Variants in CNTFR observed in about 807,000 individuals in gnomAD.
CNTFR encodes the protein ciliary neurotrophic factor receptor.
CNTFR carries 12 observed loss-of-function variants against 40.4 expected under a neutral mutation model. That is an observed-to-expected ratio of 0.30 (90% CI 0.19 to 0.48). The LOEUF (loss-of-function observed/expected upper bound fraction) is 0.48, where lower values mean the gene tolerates loss of function less well. Among genes scored for constraint, CNTFR ranks in the 20% least tolerant of loss-of-function variants. CNTFR has a pLI of 0.99. For missense variants in CNTFR, 414 were observed against 506.8 expected (o/e 0.82, Z 1.76); for synonymous variants, 202 against 209.6 (o/e 0.96, Z 0.31).
In CNTFR at chr9:34,557,839, G is replaced by A. The variant is rs1290550796; in HGVS notation, c.437+28C>T. 6.5e-7 allele frequency: 1 copy of A among 1,548,438 alleles called. No homozygotes were observed. Among genetic ancestry groups the A allele is most frequent in the Non-Finnish European group, 8.8e-7 (1 of 1,138,114 alleles). ...GGGGAGAGGTCAGAGGTCAGGGCTG[G>A]ACCCGGGTCACAGGCGCAGCTACTC... On this transcript the variant is annotated intron_variant, in intron 5 of 9. Coordinates refer to ENST00000378980, the MANE Select transcript of CNTFR (RefSeq NM_147164.3). The surrounding 1 kb of genome is among the most constrained non-coding windows in gnomAD (Gnocchi z 4.2).
rs1337930287 is a variant in CNTFR, at chr9:34,587,622, TCTGA to T, written c.-112+1929_-112+1932del. 3.9e-5 allele frequency among the ~76,000 whole-genome samples: 6 copies of T among 152,222 alleles called. No individual in the cohort carries two copies. The South Asian group carries it at 8.3e-4, about 21-fold the overall frequency. ...GTGATCCCCAGCTTGGAAATGTGAA[TCTGA>T]CTATGAACCCCAGTGTCCTCAGCGA... On this transcript the variant is annotated intron_variant, in intron 1 of 9. Coordinates refer to ENST00000378980, the MANE Select transcript of CNTFR (RefSeq NM_147164.3).
rs759481918 is a variant in CNTFR, at chr9:34,568,997, G to T, written c.1-16C>A. 19 of 1,577,146 alleles carry T rather than the reference G, an allele frequency of 1.2e-5. No individual in the cohort carries two copies. The East Asian group carries it at 3.5e-4, about 29-fold the overall frequency. The stretch of plus-strand genomic sequence containing the variant: ...GAGCAGCCATCTGTTGGGAGAAACC[G>T]GGGTGGGGGAGGGGTCAGCATCAGC... On this transcript the variant is annotated splice_polypyrimidine_tract_variant and intron_variant, in intron 2 of 9. Coordinates refer to ENST00000378980, the MANE Select transcript of CNTFR (RefSeq NM_147164.3).
chr9:34,552,166 C>T lies in CNTFR; in HGVS notation c.1113G>A (p.Leu371=), dbSNP rs1825651150. The T allele has an allele frequency of 6.3e-7, 1 of 1,596,876 alleles. No homozygotes were observed. Among genetic ancestry groups the T allele is most frequent in the Non-Finnish European group, 8.5e-7 (1 of 1,172,002 alleles). ...AAAAATASSL[L]I ...CCCAGCCTCACTCAACCTACCAGAT[C>T]AAGAGACTGCTGGCAGTGGCGGCAG... The change falls in exon 9 of 10, where the codon TTG becomes TTA. Residue 371 remains leucine (L), a synonymous_variant. Coordinates refer to ENST00000378980, the MANE Select transcript of CNTFR (RefSeq NM_147164.3). The surrounding 1 kb of genome is among the most constrained non-coding windows in gnomAD (Gnocchi z 5.1).
chr9:34,573,686 C>G (rs567644609), intron 2 of CNTFR, among the ~76,000 whole-genome samples: 1 of 152,198 alleles, frequency 6.6e-6, no homozygotes. Flanking sequence ...ACTCCAGAAT[C>G]CCACAGTGAG....
chr9:34,563,588 C>T (rs1826159175), intron 4 of CNTFR, among the ~76,000 whole-genome samples: 1 of 152,272 alleles, frequency 6.6e-6, no homozygotes, highest in Non-Finnish European at 1.5e-5. Flanking sequence ...GAATTCTCAT[C>T]TTGGGATCTG....
intron 1 of CNTFR, among the ~76,000 whole-genome samples, chr9:34,582,182 G>A (rs1827323656): frequency 6.6e-6 from 1 of 151,296 alleles, no homozygotes; most frequent in Non-Finnish European, 1.5e-5. Context: ...GGCTGAGGTG[G>A]GAGGGTCACT....
chr9:34,576,575 G>T (rs554755036), intron 2 of CNTFR, among the ~76,000 whole-genome samples: 1 of 152,228 alleles, frequency 6.6e-6, no homozygotes, highest in South Asian at 2.1e-4. Context: ...GAAATACTTC[G>T]TTGGTCCCTA....
intron 1 of CNTFR, among the ~76,000 whole-genome samples, chr9:34,585,574 C>A (rs968550529): frequency 3.9e-5 from 6 of 152,158 alleles, no homozygotes; most frequent in Admixed American, 2.6e-4. Context: ...CTCTGGTGAC[C>A]CCCAACCGGG....
intron 4 of CNTFR, among the ~76,000 whole-genome samples, chr9:34,563,949 A>G (rs1826171378): frequency 6.6e-6 from 1 of 152,072 alleles, no homozygotes; most frequent in African/African-American, 2.4e-5. Context: ...CAGGATCATG[A>G]TCTGCCCCCC....
rs1825890583 is a variant in CNTFR at position 34,557,379 on chromosome 9, A to G, written c.604+147T>C. ...GTGTATATGTCATGCATATATGTGCACATATATGTGCACTGTACATACCTG... is the reference window on the plus strand; with the variant it reads ...GTGTATATGTCATGCATATATGTGCGCATATATGTGCACTGTACATACCTG... On this transcript the variant is annotated intron_variant, in intron 6 of 9. Transcript: ENST00000378980. The surrounding 1 kb of genome is among the most constrained non-coding windows in gnomAD (Gnocchi z 4.2). The G allele has an allele frequency of 3.6e-6, 3 of 826,390 alleles. No individual in the cohort carries two copies. Among genetic ancestry groups the G allele is most frequent in the Admixed American group, 5.4e-5 (2 of 37,308 alleles). The allele number at this position is 826,390 out of a possible 1,614,324, so 51.2% of individuals were successfully genotyped here. A position where few individuals can be genotyped will look rare whatever the true frequency, so the allele number is the denominator to read the frequency against.
chr9:34,561,086 G>A lies in CNTFR; in HGVS notation c.320-3102C>T, dbSNP rs141631267. On this transcript the variant is annotated intron_variant, in intron 4 of 9. Transcript: ENST00000378980. ...CCTACCCACGCCCCACCCACACGCC[G>A]CCTCCTGCCTGGCACTCAAGGCTCA... Among the ~76,000 whole-genome samples, 85 of 152,096 alleles carry A rather than the reference G, an allele frequency of 5.6e-4. 2 individuals are homozygous for A. The South Asian group carries it at 6.4e-3, about 12-fold the overall frequency.
intron 2 of CNTFR, among the ~76,000 whole-genome samples, chr9:34,578,893 C>G (rs1827134155): frequency 6.6e-6 from 1 of 152,198 alleles, no homozygotes; most frequent in African/African-American, 2.4e-5. Flanking sequence ...CCTCCAGTTA[C>G]TTTCTGCATT....
chr9:34,581,902 G>T (rs1220527817), intron 1 of CNTFR, among the ~76,000 whole-genome samples: 4 of 152,164 alleles, frequency 2.6e-5, no homozygotes, highest in African/African-American at 9.7e-5. Context: ...ATAACAGCAG[G>T]TATCACTTGT....
intron 2 of CNTFR, among the ~76,000 whole-genome samples, chr9:34,572,074 A>C (rs543805899): frequency 4.6e-5 from 7 of 152,098 alleles, no homozygotes; most frequent in African/African-American, 1.7e-4. Flanking sequence ...TGAGGCAAGA[A>C]CAGGGCCTTC....
In CNTFR at chr9:34,568,934, G is replaced by C. The variant is rs143644881; in HGVS notation, c.48C>G (p.Ala16=). The part of the protein sequence containing the change: ...PWACCAVLAA[A]AAVVYAQRHS... ...GTCTCTGGGCGTAGACAACTGCGGC[G>C]GCGGCGGCAAGCACAGCACAGCAGG... The change falls in exon 3 of 10, where the codon GCC becomes GCG. Residue 16 remains alanine (A), a synonymous_variant. Coordinates refer to ENST00000378980, the MANE Select transcript of CNTFR (RefSeq NM_147164.3). The C allele has an allele frequency of 1.2e-5, 20 of 1,601,324 alleles. No homozygotes were observed. Among genetic ancestry groups the C allele is most frequent in the Admixed American group, 6.8e-5 (4 of 58,590 alleles).
chr9:34,564,452 C>T (rs991850969), intron 4 of CNTFR, 147 bp downstream of exon 4: 14 of 766,512 alleles, frequency 1.8e-5, no homozygotes, highest in Middle Eastern at 3.7e-4. Flanking sequence ...GCCAGAAGAG[C>T]GGGCCAGGAC....
chr9:34,552,983 C>G lies in CNTFR; in HGVS notation c.769-129G>C. The stretch of plus-strand genomic sequence containing the variant: ...GGCTCTGGGGGCAGTGAGGACTTCC[C>G]TGAGGAGAAGGAGGACATGGAGAAT... On this transcript the variant is annotated intron_variant, in intron 7 of 9. Coordinates refer to ENST00000378980, the MANE Select transcript of CNTFR (RefSeq NM_147164.3). This position sits in a 1 kb window ranked among gnomAD's most constrained non-coding sequence, Gnocchi z 5.1. 2.5e-6 allele frequency: 2 copies of G among 806,508 alleles called. No individual in the cohort carries two copies. The highest frequency in any genetic ancestry group is 2.9e-4 in the Middle Eastern group (1 of 3,438). The allele number at this position is 806,508 out of a possible 1,614,324, so 50.0% of individuals were successfully genotyped here. A position where few individuals can be genotyped will look rare whatever the true frequency, so the allele number is the denominator to read the frequency against.
At position 34,570,584 on chromosome 9, in the gene CNTFR, C is replaced by G. The variant is rs140204014; in HGVS notation, c.1-1603G>C. ...CAGCTTGAGAGAAGAGCCAGAGCCA[C>G]AGCCAGATGCTCAGTCAGGAAGTAT... On this transcript the variant is annotated intron_variant, in intron 2 of 9. Transcript: ENST00000378980. Among the ~76,000 whole-genome samples the G allele has an allele frequency of 2.6e-3, 399 of 152,304 alleles. 5 individuals carry two copies. Among genetic ancestry groups the G allele is most frequent in the African/African-American group, 9.1e-3 (378 of 41,566 alleles).
Position 34,552,267 on chromosome 9 carries a change from C to T in CNTFR, c.1012G>A (p.Gly338Arg). 1 of 1,550,404 alleles carries T rather than the reference C, an allele frequency of 6.4e-7. No individual in the cohort carries two copies. The highest frequency in any genetic ancestry group is 8.7e-7 in the Non-Finnish European group (1 of 1,149,006). The change falls in exon 9 of 10, where the codon GGG becomes AGG. Residue 338 changes from glycine (G) to arginine (R), a missense_variant. By Grantham distance (125) the Gly-to-Arg change is moderately radical. Coordinates refer to ENST00000378980, the MANE Select transcript of CNTFR (RefSeq NM_147164.3). This position sits in a 1 kb window ranked among gnomAD's most constrained non-coding sequence, Gnocchi z 5.1. The stretch of plus-strand genomic sequence containing the variant: ...GGTCCCCCGCCGCTGCCCAGCTCCC[C>T]AGGGTCACAGATCTTCGTGGTAGGT... The part of the protein sequence containing the change: ...PPPTTKICDP[G>R]ELGSGGGPSA...
Sources: gnomAD v4.1 joint callset for allele counts (sites outside exome capture counted in the v4.1 genomes callset) on GRCh38, gnomAD v4.1.1 for gene constraint, Gnocchi (gnomAD v3.1) non-coding constraint, MANE v1.5 for transcripts, NCBI Gene and HGNC (gene_info 2026-07-23, HGNC 2026-07-21) for gene names.